Variants in CLUH observed in about 807,000 individuals in gnomAD.
CLUH encodes the protein clustered mitochondria protein homolog.
CLUH carries 77 observed loss-of-function variants against 139.3 expected under a neutral mutation model. The observed-to-expected ratio is 0.55, with a 90% confidence interval of 0.46 to 0.67. CLUH has a LOEUF of 0.67. CLUH is among the 30% of genes least tolerant of loss of function. The probability of loss-of-function intolerance (pLI) is 0.00; values close to 1 mark genes in which losing one functional copy is unlikely to be tolerated. For missense variants in CLUH, 1,876 were observed against 1,875.8 expected, an observed-to-expected ratio of 1.00 and a Z score of 0.00; for synonymous variants, 999 against 801.6, an observed-to-expected ratio of 1.25 and a Z score of -4.16.
chr17:2,695,891 A>C (rs2069921595), intron 13 of CLUH: 1 of 583,082 alleles, frequency 1.7e-6, no homozygotes, highest in East Asian at 2.9e-5. Context: ...GCCCCCACTG[A>C]GCTCTGGCCC....
At chr17:2,700,524 C>T in intron 8 of CLUH, 50 bp from the exon 9 acceptor site, 3 of 1,580,840 alleles carry the variant, frequency 1.9e-6, no homozygotes, top group Non-Finnish European at 2.6e-6. Context: ...TGCCCTGTGA[C>T]CTGCTCCCGG....
chr17:2,707,459 C>A lies in CLUH; in HGVS notation c.101-2895G>T, dbSNP rs1398334637. The A allele has an allele frequency of 1.0e-6, 1 of 985,310 alleles. No individual in the cohort carries two copies. The highest frequency in any genetic ancestry group is 4.7e-5 in the South Asian group (1 of 21,294). The allele number at this position is 985,310 out of a possible 1,614,324, so 61.0% of individuals were successfully genotyped here. Reference sequence around the variant, plus strand: ...GAAGGACGGCTGTGGGCCAGGAGAACCCGGTGGCCCCAGGACCCCAGGGGG... The same window carrying A: ...GAAGGACGGCTGTGGGCCAGGAGAAACCGGTGGCCCCAGGACCCCAGGGGG... On this transcript the variant is annotated intron_variant, in intron 1 of 25. Coordinates refer to ENST00000651024, the MANE Select transcript of CLUH (RefSeq NM_001366661.1). The surrounding 1 kb of genome is among the most constrained non-coding windows in gnomAD (Gnocchi z 7.4).
At position 2,704,276 on chromosome 17, in the gene CLUH, T is replaced by C. The variant is rs2070282013; in HGVS notation, c.303+86A>G. 3 of 1,400,496 alleles carry C rather than the reference T, an allele frequency of 2.1e-6. No individual in the cohort carries two copies. Among genetic ancestry groups the C allele is most frequent in the Non-Finnish European group, 1.9e-6 (2 of 1,028,478 alleles). 86.8% of individuals were successfully genotyped at this position (1,400,496 alleles called of 1,614,324 possible). A position where few individuals can be genotyped will look rare whatever the true frequency, so the allele number is the denominator to read the frequency against. Reference sequence around the variant, plus strand: ...GTTTCCTGCCACAAAATGGGGCCGGTAGGAGCACGAGCAAGGCTGAGCTTT... The same window carrying C: ...GTTTCCTGCCACAAAATGGGGCCGGCAGGAGCACGAGCAAGGCTGAGCTTT... On this transcript the variant is annotated intron_variant, in intron 2 of 25. Transcript: ENST00000651024. The surrounding 1 kb of genome is among the most constrained non-coding windows in gnomAD (Gnocchi z 5.7).
At chr17:2,695,904 T>C (rs1176255653) in intron 13 of CLUH, 2 of 580,606 alleles carry the variant, frequency 3.4e-6, no homozygotes, top group East Asian at 2.9e-5. Flanking sequence ...TCTGGCCCCG[T>C]CCCCCAGCCA....
Position 2,698,086 on chromosome 17 carries a change from C to G in CLUH, c.1771G>C (p.Gly591Arg). 1 of 1,605,854 alleles carries G rather than the reference C, an allele frequency of 6.2e-7. No homozygotes were observed. Among genetic ancestry groups the G allele is most frequent in the Non-Finnish European group, 8.5e-7 (1 of 1,177,984 alleles). ...TGGCGCCCGTCGTTGCCAATGATGC[C>G]CTTGCACTCGACCGAGGAGCAGAGC... ...VELCSSVECKGIIGNDGRHYI... is the reference protein window; with the variant it reads ...VELCSSVECKRIIGNDGRHYI... Residue 591 changes from glycine (G) to arginine (R), a missense_variant, in exon 10 of 26, where the codon GGC becomes CGC. Coordinates refer to ENST00000651024, the MANE Select transcript of CLUH (RefSeq NM_001366661.1).
chr17:2,698,954 G>A (rs2070077894), intron 9 of CLUH, among the ~76,000 whole-genome samples: 1 of 152,032 alleles, frequency 6.6e-6, no homozygotes, highest in Non-Finnish European at 1.5e-5. Flanking sequence ...GGCTGAGGCA[G>A]GAGAATTGCT....
In CLUH at chr17:2,692,809, T is replaced by C; in HGVS notation, c.3283A>G (p.Thr1095Ala). 1 of 1,604,702 alleles carries C rather than the reference T, an allele frequency of 6.2e-7. No homozygotes were observed. Residue 1095 changes from threonine to alanine, a missense_variant, in exon 20 of 26, where the codon ACC becomes GCC. Coordinates refer to ENST00000651024, the MANE Select transcript of CLUH (RefSeq NM_001366661.1). Reference sequence around the variant, plus strand: ...TCCTGGATGGTGTTGGGGTGCTCGGTGCCCATCACCCGCTCGCTCATCAGC... The same window carrying C: ...TCCTGGATGGTGTTGGGGTGCTCGGCGCCCATCACCCGCTCGCTCATCAGC... ...AVLMSERVMG[T>A]EHPNTIQEYM...
chr17:2,692,057 A>C lies in CLUH; in HGVS notation c.3601T>G (p.Phe1201Val). ...TTCTCGTGCTGCAGGGCCGACCGGA[A>C]CTCAGCTTTGCTCTCGTAGACTCGG... The part of the protein sequence containing the change: ...VARVYESKAE[F>V]RSALQHEKEG... The change falls in exon 23 of 26, where the codon TTC becomes GTC. Residue 1201 changes from phenylalanine (F) to valine (V), a missense_variant. Coordinates refer to ENST00000651024, the MANE Select transcript of CLUH (RefSeq NM_001366661.1). 6.2e-7 allele frequency: 1 copy of C among 1,603,414 alleles called. No homozygotes were observed. The highest frequency in any genetic ancestry group is 8.5e-7 in the Non-Finnish European group (1 of 1,175,776).
At chr17:2,701,574 C>A in intron 5 of CLUH, 39 bp downstream of exon 5, 1 of 1,610,698 alleles carries the variant, frequency 6.2e-7, no homozygotes, top group Non-Finnish European at 8.5e-7. Flanking sequence ...GGCCTCCACC[C>A]CGCCAGGGAC....
At chr17:2,702,125 A>G in intron 3 of CLUH, 68 bp from the exon 4 acceptor site, 3 of 1,560,196 alleles carry the variant, frequency 1.9e-6, no homozygotes, top group Non-Finnish European at 2.6e-6. Flanking sequence ...GCCCAGCACA[A>G]AACAGGTTTT....
Position 2,696,263 on chromosome 17 carries a change from G to A in CLUH, c.2291-4C>T. The A allele has an allele frequency of 6.4e-7, 1 of 1,567,396 alleles. No individual in the cohort carries two copies. Among genetic ancestry groups the A allele is most frequent in the Non-Finnish European group, 8.6e-7 (1 of 1,156,392 alleles). ...CAGGACTCAGGGAAACGAACCCCTG[G>A]AGGAGGGAGAGCAGAGAGGCTGAGC... On this transcript the variant is annotated splice_region_variant and splice_polypyrimidine_tract_variant and intron_variant, in intron 12 of 25. Coordinates refer to ENST00000651024, the MANE Select transcript of CLUH (RefSeq NM_001366661.1).
Position 2,691,961 on chromosome 17 carries a change from GCCC to G in CLUH, c.3654+40_3654+42del, listed in dbSNP as rs749252316. ...CGCGGCCCCGCCCCCGCCCCGCCAC[GCCC>G]CCGCCCCGCCCCCGCCCCCGCCACG... On this transcript the variant is annotated intron_variant, in intron 23 of 25. Transcript: ENST00000651024. 432 of 652,638 alleles carry G rather than the reference GCCC, an allele frequency of 6.6e-4. 1 individual carries two copies. The highest frequency in any genetic ancestry group is 1.5e-3 in the South Asian group (44 of 29,020). 40.4% of individuals were successfully genotyped at this position (652,638 alleles called of 1,614,324 possible).
chr17:2,711,585 C>T lies in CLUH; in HGVS notation c.77G>A (p.Gly26Asp), dbSNP rs935150902. 2 of 981,752 alleles carry T rather than the reference C, an allele frequency of 2.0e-6. No homozygotes were observed. The highest frequency in any genetic ancestry group is 4.7e-5 in the South Asian group (1 of 21,238). The allele number at this position is 981,752 out of a possible 1,614,324, so 60.8% of individuals were successfully genotyped here. Residue 26 changes from glycine (G) to aspartate (D), a missense_variant, in exon 1 of 26, where the codon GGC becomes GAC. Physicochemically the swap from Gly to Asp is moderately conservative, Grantham distance 94 (BLOSUM62 -1). This residue lies in a region of CLUH where 152 missense variants were observed against 136.7 expected (regional missense o/e 1.11). Coordinates refer to ENST00000651024, the MANE Select transcript of CLUH (RefSeq NM_001366661.1). ...ACCGGCCGCGCCCGGCCGCCCCTTG[C>T]CCCCGGCCTGCGAGCCGTGTTCCCG... ...SAREHGSQAG[G>D]KGRPGAAELP...
At chr17:2,705,222 C>G (rs2070317329) in intron 1 of CLUH, among the ~76,000 whole-genome samples, 3 of 152,152 alleles carry the variant, frequency 2.0e-5, no homozygotes, top group Admixed American at 2.0e-4. Context: ...CAAACTGGCA[C>G]CTGCTCTATC....
chr17:2,703,748 G>A lies in CLUH; in HGVS notation c.304-259C>T, dbSNP rs949453884. Among the ~76,000 whole-genome samples, 13 of 151,950 alleles carry A rather than the reference G, an allele frequency of 8.6e-5. No individual in the cohort carries two copies. The highest frequency in any genetic ancestry group is 3.1e-4 in the African/African-American group (13 of 41,350). ...AGCCTGGAGCCTGGCCCACCGACTCGGCCTGCAGACCCAGAGCAATGCCCG... is the reference window on the plus strand; with the variant it reads ...AGCCTGGAGCCTGGCCCACCGACTCAGCCTGCAGACCCAGAGCAATGCCCG... On this transcript the variant is annotated intron_variant, in intron 2 of 25. Coordinates refer to ENST00000651024, the MANE Select transcript of CLUH (RefSeq NM_001366661.1). This position sits in a 1 kb window ranked among gnomAD's most constrained non-coding sequence, Gnocchi z 4.2.
rs1398334637 is a variant in CLUH, at chr17:2,707,459, C to T, written c.101-2895G>A. 1.1e-5 allele frequency: 11 copies of T among 985,310 alleles called. No individual in the cohort carries two copies. Among genetic ancestry groups the T allele is most frequent in the Non-Finnish European group, 1.2e-5 (10 of 829,924 alleles). 61.0% of individuals were successfully genotyped at this position (985,310 alleles called of 1,614,324 possible). ...GAAGGACGGCTGTGGGCCAGGAGAA[C>T]CCGGTGGCCCCAGGACCCCAGGGGG... On this transcript the variant is annotated intron_variant, in intron 1 of 25. Coordinates refer to ENST00000651024, the MANE Select transcript of CLUH (RefSeq NM_001366661.1). The surrounding 1 kb of genome is among the most constrained non-coding windows in gnomAD (Gnocchi z 7.4).
Position 2,696,146 on chromosome 17 carries a change from G to C in CLUH, c.2391+13C>G. 2 of 1,544,788 alleles carry C rather than the reference G, an allele frequency of 1.3e-6. No individual in the cohort carries two copies. The highest frequency in any genetic ancestry group is 8.8e-7 in the Non-Finnish European group (1 of 1,140,746). ...CACACAAGCCCCACCCAGCCCCGCA[G>C]CCCCTCCCTCACCAAGCCAGGGATC... is the stretch of plus-strand genomic sequence containing the variant. On this transcript the variant is annotated intron_variant, in intron 13 of 25. Transcript: ENST00000651024.
chr17:2,695,403 G>T lies in CLUH; in HGVS notation c.2515C>A (p.Pro839Thr). 1 of 1,612,694 alleles carries T rather than the reference G, an allele frequency of 6.2e-7. No homozygotes were observed. Among genetic ancestry groups the T allele is most frequent in the Non-Finnish European group, 8.5e-7 (1 of 1,179,706 alleles). The change falls in exon 14 of 26, where the codon CCG (proline) becomes ACG (threonine). Residue 839 changes from proline (P) to threonine (T), a missense_variant. Pro to Thr is a conservative substitution (Grantham distance 38, BLOSUM62 -1). Transcript: ENST00000651024. ...ACGTGGTCCAGCTGGTGGCGGGCCG[G>T]GCTCCGCAGCACCAGCTCCAGCACC... ...GKVLELVLRS[P>T]ARHQLDHVFK...
chr17:2,695,328 C>A, intron 14 of CLUH, 46 bp downstream of exon 14: 1 of 1,613,498 alleles, frequency 6.2e-7, no homozygotes, highest in Non-Finnish European at 8.5e-7. Context: ...CGGCCTCCAT[C>A]CCAGTCCCAC....
Sources: gnomAD v4.1 joint callset for allele counts (sites outside exome capture counted in the v4.1 genomes callset) on GRCh38, gnomAD v4.1.1 for gene constraint, gnomAD v4.1.1 regional missense constraint, Gnocchi (gnomAD v3.1) non-coding constraint, MANE v1.5 for transcripts, NCBI Gene and HGNC (gene_info 2026-07-23, HGNC 2026-07-21) for gene names.